The following CDH4 variants were observed in gnomAD, a reference collection of about 807,000 sequenced individuals.
The protein encoded by CDH4 is cadherin 4.
CDH4 carries 33 observed loss-of-function variants against 86.0 expected under a neutral mutation model. That is an observed-to-expected ratio of 0.38 (90% confidence interval 0.29 to 0.51). The LOEUF (loss-of-function observed/expected upper bound fraction) is 0.51, where lower values mean the gene tolerates loss of function less well. Ranked by LOEUF, CDH4 falls within the 20% of genes least tolerant of loss-of-function variation. The probability of loss-of-function intolerance (pLI) is 0.86; values close to 1 mark genes in which losing one functional copy is unlikely to be tolerated. For missense variants in CDH4, 1,114 were observed against 1,307.4 expected (o/e 0.85, Z 2.28); for synonymous variants, 555 against 549.4 (o/e 1.01, Z -0.14).
At chr20:61,304,977 C>T (rs1410243213) in intron 2 of CDH4, among the ~76,000 whole-genome samples, 5 of 145,334 alleles carry the variant, frequency 3.4e-5, no homozygotes, top group East Asian at 2.0e-4. Context: ...ATGTGCTGTG[C>T]GTGGGTGTGT....
At chr20:61,306,380 C>G (rs1245748507) in intron 2 of CDH4, among the ~76,000 whole-genome samples, 8 of 151,756 alleles carry the variant, frequency 5.3e-5, no homozygotes, top group Non-Finnish European at 1.2e-4. Flanking sequence ...CTCTGTCACC[C>G]AGGCTGGAGT....
At chr20:61,531,642 G>A (rs189921820) in intron 2 of CDH4, among the ~76,000 whole-genome samples, 11 of 152,300 alleles carry the variant, frequency 7.2e-5, no homozygotes, top group Admixed American at 5.9e-4. Flanking sequence ...TGGCATTCAC[G>A]GACCATCCCT....
In CDH4 at chr20:61,807,068, A is replaced by C. The variant is rs1348615670; in HGVS notation, c.576+33886A>C. On this transcript the variant is annotated intron_variant, in intron 4 of 15. Transcript: ENST00000614565. The surrounding 1 kb of genome is among the most constrained non-coding windows in gnomAD (Gnocchi z 4.5). ...GAAACTGACACAGGAGATGATTTTGAAAATGTCTCGCTCATCCCCTGATCT... is the reference window on the plus strand; with the variant it reads ...GAAACTGACACAGGAGATGATTTTGCAAATGTCTCGCTCATCCCCTGATCT... 6.6e-6 allele frequency among the ~76,000 whole-genome samples: 1 copy of C among 152,186 alleles called. No homozygotes were observed. Among genetic ancestry groups the C allele is most frequent in the African/African-American group, 2.4e-5 (1 of 41,438 alleles).
intron 3 of CDH4, among the ~76,000 whole-genome samples, chr20:61,771,637 AAG>A (rs1491186751): frequency 2.0e-5 from 3 of 151,640 alleles, no homozygotes; most frequent in Admixed American, 2.0e-4. Flanking sequence ...AAAAAAAAAA[AAG>A]GAAAAAATGC....
chr20:61,662,563 C>A (rs1442213924), intron 2 of CDH4, among the ~76,000 whole-genome samples: 1 of 152,138 alleles, frequency 6.6e-6, no homozygotes, highest in Non-Finnish European at 1.5e-5. Flanking sequence ...ACACAGAGGC[C>A]CCCTGAGTCC....
chr20:61,698,924 A>C (rs2087743715), intron 2 of CDH4, among the ~76,000 whole-genome samples: 1 of 152,236 alleles, frequency 6.6e-6, no homozygotes, highest in Non-Finnish European at 1.5e-5. Flanking sequence ...GGGCAGCTTG[A>C]TAAGCTACTC....
chr20:61,880,935 C>T (rs572330350), intron 7 of CDH4, among the ~76,000 whole-genome samples: 16 of 152,336 alleles, frequency 1.1e-4, no homozygotes, highest in Non-Finnish European at 2.1e-4. Flanking sequence ...GCAATAACAG[C>T]GGTGCTAATG....
intron 2 of CDH4, among the ~76,000 whole-genome samples, chr20:61,265,077 T>TA (rs1439634352): frequency 6.6e-6 from 1 of 152,016 alleles, no homozygotes; most frequent in Non-Finnish European, 1.5e-5. Flanking sequence ...CATTCAATCT[T>TA]ACACATGTCT....
chr20:61,853,715 C>T (rs1982848910), intron 6 of CDH4, among the ~76,000 whole-genome samples: 1 of 152,162 alleles, frequency 6.6e-6, no homozygotes, highest in Admixed American at 6.5e-5. Flanking sequence ...GCTGGCACAG[C>T]CCCCACCTGC....
intron 2 of CDH4, among the ~76,000 whole-genome samples, chr20:61,438,289 A>G (rs2085296366): frequency 6.6e-6 from 1 of 152,346 alleles, no homozygotes; most frequent in African/African-American, 2.4e-5. Flanking sequence ...ACCAGGATGA[A>G]AGCACAGCTT....
intron 8 of CDH4, 105 bp downstream of exon 8, chr20:61,895,152 C>A: frequency 7.3e-7 from 1 of 1,367,498 alleles, no homozygotes; most frequent in South Asian, 1.4e-5. Flanking sequence ...CTGACGGGCA[C>A]TTGGCAGATA....
chr20:61,522,446 G>T (rs1043884139), intron 2 of CDH4, among the ~76,000 whole-genome samples: 1 of 152,186 alleles, frequency 6.6e-6, no homozygotes, highest in African/African-American at 2.4e-5. Flanking sequence ...ACCAAATGTC[G>T]CATCCATTAA....
At chr20:61,934,978 C>T (rs540309757) in intron 15 of CDH4, among the ~76,000 whole-genome samples, 2 of 152,376 alleles carry the variant, frequency 1.3e-5, no homozygotes, top group East Asian at 1.9e-4. Flanking sequence ...TCCCTGTCTT[C>T]GTTCCCGTCT....
At chr20:61,598,742 A>G (rs2253091) in intron 2 of CDH4, among the ~76,000 whole-genome samples, 149,533 of 152,264 alleles carry the variant, frequency 0.98, 73,436 homozygotes, top group East Asian at 1. Context: ...CACGCGTCCC[A>G]GAGGCCAGGC....
intron 7 of CDH4, among the ~76,000 whole-genome samples, chr20:61,893,569 G>T (rs1362026020): frequency 6.8e-6 from 1 of 147,862 alleles, no homozygotes; most frequent in African/African-American, 2.5e-5. Context: ...GGGATTGTGG[G>T]TGGGTGGGTA....
chr20:61,382,779 C>T (rs901299899), intron 2 of CDH4, among the ~76,000 whole-genome samples: 2 of 152,090 alleles, frequency 1.3e-5, no homozygotes, highest in Non-Finnish European at 2.9e-5. Context: ...TGAGAGGTCA[C>T]CTATCATCAG....
At chr20:61,667,901 C>T (rs999459868) in intron 2 of CDH4, among the ~76,000 whole-genome samples, 2 of 152,180 alleles carry the variant, frequency 1.3e-5, no homozygotes, top group Non-Finnish European at 1.5e-5. Flanking sequence ...GGAGGGACCC[C>T]ACCAAGTCTG....
Position 61,852,631 on chromosome 20 carries a change from G to A in CDH4, c.733-123G>A, listed in dbSNP as rs935107815. 10 of 921,214 alleles carry A rather than the reference G, an allele frequency of 1.1e-5. No homozygotes were observed. The Admixed American group carries it at 1.3e-4, about 12-fold the overall frequency. 57.1% of individuals were successfully genotyped at this position (921,214 alleles called of 1,614,324 possible). ...TTCCATGACGTGTCCAAAGCCCCCC[G>A]GCCCCTATAGCCAACCTGCTTCTGC... On this transcript the variant is annotated intron_variant, in intron 5 of 15. Transcript: ENST00000614565.
At chr20:61,760,154 C>T (rs1427695595) in intron 3 of CDH4, among the ~76,000 whole-genome samples, 3 of 138,020 alleles carry the variant, frequency 2.2e-5, no homozygotes, top group Non-Finnish European at 4.7e-5. Flanking sequence ...TGGTGGGAGG[C>T]AAGGCTGAAG....
Sources: allele counts gnomAD v4.1 joint callset (sites outside exome capture counted in the v4.1 genomes callset), GRCh38; gene constraint gnomAD v4.1.1; non-coding constraint Gnocchi (gnomAD v3.1); transcripts MANE v1.5; gene names NCBI Gene and HGNC (gene_info 2026-07-23, HGNC 2026-07-21).